The following KMT2D variants were observed in gnomAD, a reference collection of about 807,000 sequenced individuals.
KMT2D encodes histone-lysine N-methyltransferase 2D.
Under a neutral mutation model 512.7 loss-of-function variants are expected in KMT2D, and 55 were observed. The observed-to-expected ratio is 0.11, with a 90% CI of 0.09 to 0.13. The LOEUF (loss-of-function observed/expected upper bound fraction) is 0.13. Among genes scored for constraint, KMT2D ranks in the 10% least tolerant of loss-of-function variants. The pLI is 1.00. For synonymous variants in KMT2D, 2,995 were observed against 2,904.0 expected, an observed-to-expected ratio of 1.03 and a Z score of -1.01; for missense variants, 6,061 against 7,127.9, an observed-to-expected ratio of 0.85 and a Z score of 5.39.
chr12:49,021,424 C>T lies in KMT2D; in HGVS notation c.*356G>A, dbSNP rs1942322106. On this transcript the variant is annotated 3_prime_UTR_variant, in exon 55 of 55. Transcript: ENST00000301067. ...GTGGGAGCAGCAGGGCTGTGAGGCC[C>T]GGCCACACATCCTCTTCCCCCACCC... 2.9e-6 allele frequency: 1 copy of T among 339,974 alleles called. No individual in the cohort carries two copies. Among genetic ancestry groups the T allele is most frequent in the South Asian group, 6.1e-5 (1 of 16,272 alleles). The allele number at this position is 339,974 out of a possible 1,614,324, so 21.1% of individuals were successfully genotyped here.
chr12:49,037,916 G>C lies in KMT2D; in HGVS notation c.9440C>G (p.Ala3147Gly), dbSNP rs1943302098. The change falls in exon 35 of 55, where the codon GCC becomes GGC. Residue 3147 changes from alanine to glycine, a missense_variant. Ala to Gly is a moderately conservative substitution (Grantham distance 60). Coordinates refer to ENST00000301067, the MANE Select transcript of KMT2D (RefSeq NM_003482.4). ...ATPKVEPAPA[A>G]NSLGLGLKPG... is the part of the protein sequence containing the mutation. ...CTTTAGCCCCAGGCCAAGGGAATTG[G>C]CAGCAGGTGCGGGCTCTACCTTGGG... is the stretch of plus-strand genomic sequence containing the variant. 6.2e-7 allele frequency: 1 copy of C among 1,604,580 alleles called. No homozygotes were observed. The highest frequency in any genetic ancestry group is 1.1e-5 in the South Asian group (1 of 89,454).
In KMT2D at chr12:49,033,046, G is replaced by A. The variant is rs1751092189; in HGVS notation, c.11659C>T (p.Pro3887Ser). The change falls in exon 40 of 55, where the codon CCC becomes TCC. Residue 3887 changes from proline (P) to serine (S), a missense_variant. Transcript: ENST00000301067. Reference sequence around the variant, plus strand: ...CCCATGGGCTGAGCGCTCAGTTTGGGCTGCCCACTGTGTGACATCAGACTC... The same window carrying A: ...CCCATGGGCTGAGCGCTCAGTTTGGACTGCCCACTGTGTGACATCAGACTC... ...QQSLMSHSGQ[P>S]KLSAQPMGSL... 3 of 1,551,642 alleles carry A rather than the reference G, an allele frequency of 1.9e-6. No homozygotes were observed. Among genetic ancestry groups the A allele is most frequent in the South Asian group, 1.2e-5 (1 of 84,060 alleles).
Position 49,032,946 on chromosome 12 carries a change from AGCTGCT to A in KMT2D, c.11753_11758del (p.Gln3918_Gln3919del), listed in dbSNP as rs576788910. 1.4e-5 allele frequency: 21 copies of A among 1,549,672 alleles called. No individual in the cohort carries two copies. The East Asian group carries it at 1.7e-4, about 13-fold the overall frequency. ...CTGCTGAAGTTGCTGTTGCTGTTGT[AGCTGCT>A]GCTGCTGCTGCTGCTGAAGTTGCTG... On this transcript the variant is annotated inframe_deletion, in exon 40 of 55. Transcript: ENST00000301067.
chr12:49,050,317 T>C lies in KMT2D; in HGVS notation c.3271A>G (p.Thr1091Ala). Reference protein sequence around the residue: ...PECPALEPSATSPLPSPMGDL... With the variant: ...PECPALEPSAASPLPSPMGDL... Reference sequence around the variant, plus strand: ...CCCATTGGGGAAGGGAGAGGACTGGTGGCACTGGGTTCCAAGGCTGGGCAT... The same window carrying C: ...CCCATTGGGGAAGGGAGAGGACTGGCGGCACTGGGTTCCAAGGCTGGGCAT... The change falls in exon 12 of 55, where the codon ACC becomes GCC. Residue 1091 changes from threonine to alanine, a missense_variant. This residue lies in a region of KMT2D where 447 missense variants were observed against 500.1 expected (regional missense o/e 0.89). Coordinates refer to ENST00000301067, the MANE Select transcript of KMT2D (RefSeq NM_003482.4). 1 of 1,611,000 alleles carries C rather than the reference T, an allele frequency of 6.2e-7. No homozygotes were observed. The highest frequency in any genetic ancestry group is 1.3e-5 in the African/African-American group (1 of 74,974).
Position 49,019,415 on chromosome 12 carries a change from T to TA in KMT2D, c.*2364dup, listed in dbSNP as rs147052695. 676 of 196,092 alleles carry TA rather than the reference T, an allele frequency of 3.4e-3. No individual in the cohort carries two copies. Among genetic ancestry groups the TA allele is most frequent in the Middle Eastern group, 9.9e-3 (6 of 608 alleles). 12.1% of individuals were successfully genotyped at this position (196,092 alleles called of 1,614,324 possible). A position where few individuals can be genotyped will look rare whatever the true frequency, so the allele number is the denominator to read the frequency against. ...GATGCAATTATACAGGCAGGGTACT[T>TA]AAAAAAAAAACCAACCAAAATTCCA... is the stretch of plus-strand genomic sequence containing the variant. On this transcript the variant is annotated 3_prime_UTR_variant, in exon 55 of 55. Coordinates refer to ENST00000301067, the MANE Select transcript of KMT2D (RefSeq NM_003482.4).
Position 49,041,894 on chromosome 12 carries a change from A to T in KMT2D, c.6183+23T>A, listed in dbSNP as rs1943550249. The T allele has an allele frequency of 1.3e-6, 2 of 1,590,416 alleles. No homozygotes were observed. Among genetic ancestry groups the T allele is most frequent in the Non-Finnish European group, 1.7e-6 (2 of 1,166,426 alleles). On this transcript the variant is annotated intron_variant, in intron 30 of 54. Transcript: ENST00000301067. This position sits in a 1 kb window ranked among gnomAD's most constrained non-coding sequence, Gnocchi z 5.4. ...TCCCTCCCTCTCAGTTCCCACGCTAATCCATGCTCCTTTCTGCCTCACCAG... is the reference window on the plus strand; with the variant it reads ...TCCCTCCCTCTCAGTTCCCACGCTATTCCATGCTCCTTTCTGCCTCACCAG...
At position 49,049,911 on chromosome 12, in the gene KMT2D, A is replaced by G; in HGVS notation, c.3677T>C (p.Leu1226Pro). The change falls in exon 12 of 55, where the codon CTC (leucine) becomes CCC (proline). Residue 1226 changes from leucine to proline, a missense_variant. Transcript: ENST00000301067. ...ASASFPGSEP[L>P]LGSPDPEGGG... ...CCCCTCCGGGTCTGGAGAGCCCAGG[A>G]GGGGCTCTGAGCCAGGAAAACTGGC... The G allele has an allele frequency of 1.2e-6, 2 of 1,613,856 alleles. No individual in the cohort carries two copies. The highest frequency in any genetic ancestry group is 1.7e-6 in the Non-Finnish European group (2 of 1,179,862).
Position 49,050,870 on chromosome 12 carries a change from A to G in KMT2D, c.2797+16T>C, listed in dbSNP as rs1937933096. On this transcript the variant is annotated intron_variant, in intron 11 of 54. Transcript: ENST00000301067. Reference sequence around the variant, plus strand: ...TACAGCTGTTCCAGAATAACAGAGTACTAACATCCCCTTACCTGGTGGCAT... The same window carrying G: ...TACAGCTGTTCCAGAATAACAGAGTGCTAACATCCCCTTACCTGGTGGCAT... The G allele has an allele frequency of 1.3e-6, 2 of 1,544,348 alleles. No homozygotes were observed. Among genetic ancestry groups the G allele is most frequent in the Non-Finnish European group, 1.8e-6 (2 of 1,142,518 alleles).
chr12:49,030,223 C>G, intron 43 of KMT2D, 57 bp downstream of exon 43: 2 of 1,461,168 alleles, frequency 1.4e-6, no homozygotes, highest in African/African-American at 1.4e-5. Flanking sequence ...AGCATACTAA[C>G]TGGTTTGGAC....
At chr12:49,058,689 T>C (rs1284527984) in intron 1 of KMT2D, among the ~76,000 whole-genome samples, 2 of 152,244 alleles carry the variant, frequency 1.3e-5, no homozygotes, top group East Asian at 1.9e-4. Context: ...TTCTGCACAG[T>C]TGGTACAGGA....
In KMT2D at chr12:49,024,439, T is replaced by A. The variant is rs1942474917; in HGVS notation, c.16052+139A>T. On this transcript the variant is annotated intron_variant, in intron 51 of 54. Coordinates refer to ENST00000301067, the MANE Select transcript of KMT2D (RefSeq NM_003482.4). The surrounding 1 kb of genome is among the most constrained non-coding windows in gnomAD (Gnocchi z 4.5). ...ATACCCTACTAATACCTGCATGCCCTCTAATTAGGAAGTCTAAGAGTGATT... is the reference window on the plus strand; with the variant it reads ...ATACCCTACTAATACCTGCATGCCCACTAATTAGGAAGTCTAAGAGTGATT... 9.0e-6 allele frequency: 10 copies of A among 1,114,534 alleles called. No individual in the cohort carries two copies. In the East Asian group the frequency reaches 2.5e-4, roughly 28 times the overall value. 69.0% of individuals were successfully genotyped at this position (1,114,534 alleles called of 1,614,324 possible). A position where few individuals can be genotyped will look rare whatever the true frequency, so the allele number is the denominator to read the frequency against.
chr12:49,028,995 G>A lies in KMT2D; in HGVS notation c.14252-37C>T, dbSNP rs532396462. On this transcript the variant is annotated intron_variant, in intron 45 of 54. Coordinates refer to ENST00000301067, the MANE Select transcript of KMT2D (RefSeq NM_003482.4). ...AGAGGAATTTGTGTAACACTTGGCCGCCTCTCCCCCAGCTTCGGACAACCC... is the reference window on the plus strand; with the variant it reads ...AGAGGAATTTGTGTAACACTTGGCCACCTCTCCCCCAGCTTCGGACAACCC... 48 of 1,610,446 alleles carry A rather than the reference G, an allele frequency of 3.0e-5. No homozygotes were observed. In the East Asian group the frequency reaches 3.3e-4, roughly 11 times the overall value.
At chr12:49,055,398 A>C in intron 1 of KMT2D, 37 bp from the exon 2 acceptor site, 2 of 1,373,732 alleles carry the variant, frequency 1.5e-6, no homozygotes, top group Non-Finnish European at 2.0e-6. Context: ...ATGCCTACTA[A>C]GTCTTCCCAA....
chr12:49,043,034 A>G, intron 26 of KMT2D, 42 bp downstream of exon 26: 6 of 1,583,826 alleles, frequency 3.8e-6, no homozygotes, highest in Non-Finnish European at 5.2e-6. Context: ...CTTCTCCCAT[A>G]GAAAACCCTT....
rs1257427896 is a variant in KMT2D at position 49,046,141 on chromosome 12, T to C, written c.4617A>G (p.Thr1539=). Residue 1539 remains threonine, a synonymous_variant, in exon 18 of 55, where the codon ACA becomes ACG. Transcript: ENST00000301067. The surrounding 1 kb of genome is among the most constrained non-coding windows in gnomAD (Gnocchi z 4.2). ...WMHAGCESLF[T]EDDVEQAADE... ...CGGCTGCCTGCTCCACATCGTCCTC[T>C]GTGAAGAGGCTCTCACAGCCTGCAT... 10 of 1,611,224 alleles carry C rather than the reference T, an allele frequency of 6.2e-6. No homozygotes were observed. The African/African-American group carries it at 8.0e-5, about 13-fold the overall frequency.
chr12:49,025,007 C>T, intron 49 of KMT2D, 61 bp from the exon 50 acceptor site: 1 of 1,543,940 alleles, frequency 6.5e-7, no homozygotes, highest in African/African-American at 1.4e-5. Flanking sequence ...CCTCCAGTCC[C>T]TAACCCCAAT....
Position 49,026,036 on chromosome 12 carries a change from T to G in KMT2D, c.15784+146A>C. ...AGGCTCAAACACTTTCACTGGGAGT[T>G]TTCAAGAGACCCCCTGCCTGCCTGA... On this transcript the variant is annotated intron_variant, in intron 49 of 54. Transcript: ENST00000301067. The surrounding 1 kb of genome is among the most constrained non-coding windows in gnomAD (Gnocchi z 9.6). 1 of 726,622 alleles carries G rather than the reference T, an allele frequency of 1.4e-6. No individual in the cohort carries two copies. Among genetic ancestry groups the G allele is most frequent in the South Asian group, 2.4e-5 (1 of 42,378 alleles). The allele number at this position is 726,622 out of a possible 1,614,324, so 45.0% of individuals were successfully genotyped here.
At position 49,049,337 on chromosome 12, in the gene KMT2D, C is replaced by T. The variant is rs1289601659; in HGVS notation, c.3907-119G>A. On this transcript the variant is annotated intron_variant, in intron 12 of 54. Transcript: ENST00000301067. ...TAAGACAGGTAATAAGCCCAGGAGTCCCACTCAGGGCAAGGGAAAAGGCCA... is the reference window on the plus strand; with the variant it reads ...TAAGACAGGTAATAAGCCCAGGAGTTCCACTCAGGGCAAGGGAAAAGGCCA... 3 of 671,654 alleles carry T rather than the reference C, an allele frequency of 4.5e-6. 1 individual carries two copies. Among genetic ancestry groups the T allele is most frequent in the Admixed American group, 3.0e-5 (1 of 33,390 alleles). 41.6% of individuals were successfully genotyped at this position (671,654 alleles called of 1,614,324 possible).
In KMT2D at chr12:49,041,086, A is replaced by G. The variant is rs1408359337; in HGVS notation, c.6684T>C (p.Thr2228=). Residue 2228 remains threonine (T), a synonymous_variant, in exon 32 of 55, where the codon ACT becomes ACC. Transcript: ENST00000301067. The surrounding 1 kb of genome is among the most constrained non-coding windows in gnomAD (Gnocchi z 5.4). Reference sequence around the variant, plus strand: ...GGTGTCTGGGGGTGCCAGGTGGGGTAGTGTGGAATTCCCCTGGCTGGCCAG... The same window carrying G: ...GGTGTCTGGGGGTGCCAGGTGGGGTGGTGTGGAATTCCCCTGGCTGGCCAG... ...PGAGQPGEFH[T]TPPGTPRHQP... is the part of the protein sequence containing the mutation. 6.5e-7 allele frequency: 1 copy of G among 1,535,286 alleles called. No homozygotes were observed. The highest frequency in any genetic ancestry group is 2.3e-5 in the East Asian group (1 of 44,322).
Sources: gnomAD v4.1 joint callset for allele counts (sites outside exome capture counted in the v4.1 genomes callset) on GRCh38, gnomAD v4.1.1 for gene constraint, gnomAD v4.1.1 regional missense constraint, Gnocchi (gnomAD v3.1) non-coding constraint, MANE v1.5 for transcripts, NCBI Gene and HGNC (gene_info 2026-07-23, HGNC 2026-07-21) for gene names.